The following NRG2 variants were observed in gnomAD, a reference collection of about 807,000 sequenced individuals.
The protein encoded by NRG2 is pro-neuregulin-2, membrane-bound isoform.
In NRG2, 27 loss-of-function variants were observed where a neutral mutation model predicts 73.9. That is an observed-to-expected ratio of 0.37 (90% confidence interval 0.27 to 0.50). The LOEUF (loss-of-function observed/expected upper bound fraction) is 0.50. Ranked by LOEUF, NRG2 falls within the 20% of genes least tolerant of loss-of-function variation. The pLI, the probability that NRG2 is intolerant of heterozygous loss-of-function variation, is 0.96. For synonymous variants in NRG2, 532 were observed against 541.0 expected (o/e 0.98, Z 0.23); for missense variants, 1,126 against 1,210.1 (o/e 0.93, Z 1.03).
chr5:139,919,368 T>C (rs1252793218), intron 1 of NRG2, among the ~76,000 whole-genome samples: 1 of 151,922 alleles, frequency 6.6e-6, no homozygotes, highest in Non-Finnish European at 1.5e-5. Context: ...AATGATACTC[T>C]AGAGAGAGGA....
At chr5:139,860,287 C>A (rs1762070616) in intron 5 of NRG2, among the ~76,000 whole-genome samples, 2 of 152,148 alleles carry the variant, frequency 1.3e-5, no homozygotes, top group African/African-American at 4.8e-5. Context: ...CCTGCTCCTC[C>A]CAGCATCAGT....
At chr5:139,970,383 CATG>C (rs1277077986) in intron 1 of NRG2, among the ~76,000 whole-genome samples, 1 of 152,262 alleles carries the variant, frequency 6.6e-6, no homozygotes, top group East Asian at 1.9e-4. Context: ...TAAAACCTCA[CATG>C]ATAAGGAGGT....
intron 1 of NRG2, among the ~76,000 whole-genome samples, chr5:139,966,358 A>G (rs1417668679): frequency 6.6e-6 from 1 of 152,354 alleles, no homozygotes; most frequent in South Asian, 2.1e-4. Flanking sequence ...CCCTCCACGA[A>G]ACAAATAAAC....
rs945931668 is a variant in NRG2, at chr5:139,954,062, G to A, written c.701-66551C>T. Among the ~76,000 whole-genome samples, 2 of 152,108 alleles carry A rather than the reference G, an allele frequency of 1.3e-5. No individual in the cohort carries two copies. The highest frequency in any genetic ancestry group is 4.8e-5 in the African/African-American group (2 of 41,418). ...GGGAGGCAAGGGGCAGGGTGTGGGG[G>A]TGGCTGGAAGCTGAAAAAAAGAGAC... On this transcript the variant is annotated intron_variant, in intron 1 of 9. Transcript: ENST00000361474. This position sits in a 1 kb window ranked among gnomAD's most constrained non-coding sequence, Gnocchi z 5.0.
chr5:139,997,924 T>C (rs767943510), intron 1 of NRG2, among the ~76,000 whole-genome samples: 12 of 152,154 alleles, frequency 7.9e-5, no homozygotes, highest in Non-Finnish European at 7.4e-5. Context: ...GGATTGCCCC[T>C]CTAGGTAAAT....
intron 1 of NRG2, among the ~76,000 whole-genome samples, chr5:140,018,554 G>A (rs994323881): frequency 6.6e-6 from 1 of 152,174 alleles, no homozygotes; most frequent in Admixed American, 6.5e-5. Context: ...CTGGAATCGA[G>A]GGCAGTTTCT....
rs1762605906 is a variant in NRG2 at position 139,868,095 on chromosome 5, G to A, written c.1113-2470C>T. Among the ~76,000 whole-genome samples, 1 of 152,070 alleles carries A rather than the reference G, an allele frequency of 6.6e-6. No homozygotes were observed. The highest frequency in any genetic ancestry group is 2.4e-5 in the African/African-American group (1 of 41,402). ...TCCTTGAGAAAATGTGCTCCCCGCT[G>A]GCTGAACAAAACAAAAGGCACTGGG... On this transcript the variant is annotated intron_variant, in intron 4 of 9. Transcript: ENST00000361474. This position sits in a 1 kb window ranked among gnomAD's most constrained non-coding sequence, Gnocchi z 4.2.
At chr5:139,920,624 C>G (rs997655612) in intron 1 of NRG2, among the ~76,000 whole-genome samples, 2 of 152,180 alleles carry the variant, frequency 1.3e-5, no homozygotes, top group African/African-American at 2.4e-5. Flanking sequence ...TCAGGTAACC[C>G]AGACTCATAG....
intron 1 of NRG2, among the ~76,000 whole-genome samples, chr5:140,037,327 C>T (rs1257936401): frequency 6.6e-6 from 1 of 152,142 alleles, no homozygotes; most frequent in Non-Finnish European, 1.5e-5. Context: ...TTTGAGCATC[C>T]CAGTTAAGAC....
intron 1 of NRG2, among the ~76,000 whole-genome samples, chr5:140,011,901 A>G (rs265161): frequency 0.84 from 127,680 of 152,224 alleles, 53,882 homozygotes; most frequent in African/African-American, 0.93. Context: ...AATCTATTAA[A>G]CATTTCTTAA....
At chr5:139,862,581 C>T (rs567700041) in intron 5 of NRG2, among the ~76,000 whole-genome samples, 36 of 152,388 alleles carry the variant, frequency 2.4e-4, no homozygotes, top group African/African-American at 8.7e-4. Context: ...GCAAATTCTT[C>T]ATCCTGGACA....
At chr5:140,030,173 G>C (rs1488813389) in intron 1 of NRG2, among the ~76,000 whole-genome samples, 1 of 152,066 alleles carries the variant, frequency 6.6e-6, no homozygotes, top group Non-Finnish European at 1.5e-5. Context: ...GAAGGATTAG[G>C]CTGTTATTTA....
chr5:139,929,930 A>C (rs968087542), intron 1 of NRG2, among the ~76,000 whole-genome samples: 2 of 152,224 alleles, frequency 1.3e-5, no homozygotes, highest in Non-Finnish European at 2.9e-5. Context: ...CAAATAGGAT[A>C]GCATCCCCCA....
At position 139,868,034 on chromosome 5, in the gene NRG2, C is replaced by T. The variant is rs750721206; in HGVS notation, c.1113-2409G>A. On this transcript the variant is annotated intron_variant, in intron 4 of 9. Transcript: ENST00000361474. The surrounding 1 kb of genome is among the most constrained non-coding windows in gnomAD (Gnocchi z 4.2). ...ACTACAGACTTACATCTTTCATGGC[C>T]GCTGAGTTGCACAACATTATGGTCC... is the stretch of plus-strand genomic sequence containing the variant. 1.6e-4 allele frequency among the ~76,000 whole-genome samples: 24 copies of T among 152,096 alleles called. No homozygotes were observed. Among genetic ancestry groups the T allele is most frequent in the Non-Finnish European group, 2.8e-4 (19 of 68,022 alleles).
At chr5:139,934,973 T>C (rs745441211) in intron 1 of NRG2, among the ~76,000 whole-genome samples, 18 of 152,188 alleles carry the variant, frequency 1.2e-4, no homozygotes, top group Non-Finnish European at 2.1e-4. Context: ...GAAACCAGCC[T>C]GGCCAAAATG....
chr5:139,989,673 A>C (rs1468449258), intron 1 of NRG2, among the ~76,000 whole-genome samples: 1 of 151,832 alleles, frequency 6.6e-6, no homozygotes, highest in Non-Finnish European at 1.5e-5. Context: ...CATTCATTCA[A>C]ACAGCTGTGT....
chr5:139,969,643 C>G (rs1375360572), intron 1 of NRG2, among the ~76,000 whole-genome samples: 3 of 152,228 alleles, frequency 2.0e-5, no homozygotes, highest in Admixed American at 2.0e-4. Context: ...TTTATTGAAT[C>G]AACTCTATGC....
At chr5:140,014,377 C>A (rs1580946947) in intron 1 of NRG2, among the ~76,000 whole-genome samples, 1 of 152,064 alleles carries the variant, frequency 6.6e-6, no homozygotes, top group East Asian at 1.9e-4. Flanking sequence ...GCTATAACTA[C>A]AGGCATGCAC....
At chr5:139,934,241 A>AT (rs1752684990) in intron 1 of NRG2, among the ~76,000 whole-genome samples, 1 of 152,190 alleles carries the variant, frequency 6.6e-6, no homozygotes, top group Non-Finnish European at 1.5e-5. Context: ...CCTCAAATAT[A>AT]TTTTTTCTTA....
Sources: gnomAD v4.1 joint callset for allele counts (sites outside exome capture counted in the v4.1 genomes callset) on GRCh38, gnomAD v4.1.1 for gene constraint, Gnocchi (gnomAD v3.1) non-coding constraint, MANE v1.5 for transcripts, NCBI Gene and HGNC (gene_info 2026-07-23, HGNC 2026-07-21) for gene names.